GPM6B: variants seen among roughly 807,000 people sequenced by gnomAD.
GPM6B encodes the protein glycoprotein M6B.
A neutral mutation model predicts 27.2 loss-of-function variants in GPM6B; 4 were observed. The ratio of observed to expected loss-of-function variants is 0.15; its 90% confidence interval spans 0.07 to 0.34. The LOEUF (loss-of-function observed/expected upper bound fraction) is 0.34. Ranked by LOEUF, GPM6B falls within the 10% of genes least tolerant of loss-of-function variation. GPM6B has a pLI of 1.00. For missense variants in GPM6B, 183 were observed against 261.9 expected (o/e 0.70, Z 2.08); for synonymous variants, 124 against 103.1 (o/e 1.20, Z -1.23).
At chrX:13,839,880 G>A (rs1198401233) in intron 1 of GPM6B, among the ~76,000 whole-genome samples, 3 of 111,855 alleles carry the variant, frequency 2.7e-5, no homozygotes, top group Non-Finnish European at 5.6e-5. Flanking sequence ...GGATAGCCAA[G>A]GTTATTCTGA....
At chrX:13,856,711 T>TA (rs1460290993) in intron 1 of GPM6B, among the ~76,000 whole-genome samples, 1 of 107,807 alleles carries the variant, frequency 9.3e-6, no homozygotes, top group Non-Finnish European at 1.9e-5. Flanking sequence ...TTTATTATTT[T>TA]TTTTTTTTGA....
intron 1 of GPM6B, among the ~76,000 whole-genome samples, chrX:13,857,630 C>A (rs1319881786): frequency 8.9e-6 from 1 of 112,405 alleles, no homozygotes; most frequent in Non-Finnish European, 1.9e-5. Flanking sequence ...TTACATAACT[C>A]AATAGCACCT....
At chrX:13,905,174 T>G (rs2050317428) in intron 1 of GPM6B, among the ~76,000 whole-genome samples, 1 of 97,888 alleles carries the variant, frequency 1.0e-5, no homozygotes, top group South Asian at 5.0e-4. Context: ...AAGACTGCCG[T>G]GAGCTGTGAT....
chrX:13,874,543 CA>C (rs34549189), intron 1 of GPM6B, among the ~76,000 whole-genome samples: 1,068 of 82,553 alleles, frequency 0.013, 15 homozygotes, highest in African/African-American at 0.045. Flanking sequence ...ACTAAAAATA[CA>C]AAAAAAAAAA....
intron 1 of GPM6B, among the ~76,000 whole-genome samples, chrX:13,824,607 G>C (rs1260166074): frequency 8.9e-6 from 1 of 111,897 alleles, no homozygotes; most frequent in African/African-American, 3.2e-5. Flanking sequence ...GAAGAGGGCA[G>C]AGTCAGGGCG....
At chrX:13,800,764 G>A (rs1437818898) in intron 2 of GPM6B, among the ~76,000 whole-genome samples, 1 of 111,452 alleles carries the variant, frequency 9.0e-6, no homozygotes, top group Non-Finnish European at 1.9e-5. Flanking sequence ...CTGTGCATTA[G>A]AATTGCCTGG....
intron 1 of GPM6B, chrX:13,812,806 AATAGCAAGGCCAAGTCT>A (rs1180538300): frequency 9.0e-6 from 1 of 110,988 alleles, no homozygotes; most frequent in East Asian, 2.8e-4. Flanking sequence ...TTTCTAACGA[AATAGCAAGGCCAAGTCT>A]TTAAAAAAAT....
intron 1 of GPM6B, among the ~76,000 whole-genome samples, chrX:13,884,869 G>GT (rs1324819166): frequency 7.1e-5 from 8 of 112,049 alleles, no homozygotes; most frequent in African/African-American, 2.6e-4. Flanking sequence ...TCTAGCTTGT[G>GT]TAAGTATTTG....
At chrX:13,816,212 C>G (rs760941553) in intron 1 of GPM6B, among the ~76,000 whole-genome samples, 1 of 111,042 alleles carries the variant, frequency 9.0e-6, no homozygotes, top group African/African-American at 3.3e-5. Context: ...GAAATAGGAC[C>G]TTTATCAATT....
intron 1 of GPM6B, among the ~76,000 whole-genome samples, chrX:13,910,355 G>A (rs2050368045): frequency 1.8e-5 from 2 of 112,401 alleles, no homozygotes; most frequent in Non-Finnish European, 3.8e-5. Flanking sequence ...CTCTCTAGGT[G>A]ACTCCACTGT....
intron 1 of GPM6B, among the ~76,000 whole-genome samples, chrX:13,916,138 T>A (rs2050426596): frequency 9.0e-6 from 1 of 111,433 alleles, no homozygotes; most frequent in Admixed American, 9.5e-5. Flanking sequence ...GAGCTATAAT[T>A]TTATTTTCTC....
chrX:13,790,138 G>A (rs183439878), intron 2 of GPM6B, among the ~76,000 whole-genome samples: 10 of 112,365 alleles, frequency 8.9e-5, no homozygotes, highest in African/African-American at 3.2e-4. Flanking sequence ...ACAGGTGTGA[G>A]CCACCATGCC....
chrX:13,797,993 T>C (rs1006693249), intron 2 of GPM6B, among the ~76,000 whole-genome samples: 7 of 108,482 alleles, frequency 6.5e-5, no homozygotes, highest in East Asian at 2.9e-4. Context: ...AGTGGGAGCA[T>C]AGGAAGGATG....
chrX:13,773,138 G>T, intron 7 of GPM6B, 108 bp from the exon 8 acceptor site: 1 of 624,115 alleles, frequency 1.6e-6, no homozygotes, highest in Admixed American at 3.2e-5. Context: ...GGTTAATTCT[G>T]TATTAATAAA....
intron 2 of GPM6B, among the ~76,000 whole-genome samples, chrX:13,801,448 G>A (rs1016181934): frequency 8.9e-6 from 1 of 112,210 alleles, no homozygotes; most frequent in Non-Finnish European, 1.9e-5. Flanking sequence ...ATAGAGTATT[G>A]CATTTTGACA....
chrX:13,831,038 G>C (rs2049432110), intron 1 of GPM6B, among the ~76,000 whole-genome samples: 1 of 110,805 alleles, frequency 9.0e-6, no homozygotes, highest in South Asian at 3.8e-4. Flanking sequence ...CTGTTCTTTT[G>C]CTGCTGTGGC....
intron 1 of GPM6B, among the ~76,000 whole-genome samples, chrX:13,883,874 C>A (rs1357228477): frequency 1.9e-5 from 2 of 106,462 alleles, no homozygotes; most frequent in Non-Finnish European, 3.9e-5. Flanking sequence ...AAATTTTAAA[C>A]ATATTGTTAA....
chrX:13,890,785 A>G, intron 1 of GPM6B, among the ~76,000 whole-genome samples: 1 of 111,451 alleles, frequency 9.0e-6, no homozygotes, highest in East Asian at 2.8e-4. Context: ...AGAACTGGTG[A>G]GTTAGAAGGA....
rs891413950 is a variant in GPM6B, at chrX:13,839,681, A to G, written c.-197-53873T>C. The stretch of plus-strand genomic sequence containing the variant: ...TTTCATTGGCCTGGATCATGTCTCA[A>G]TTTGGGCCTCTCCTAATTCCAGGTC... On this transcript the variant is annotated intron_variant, in intron 1 of 6. Transcript: ENST00000398361. Among the ~76,000 whole-genome samples, 6 of 111,213 alleles carry G rather than the reference A, an allele frequency of 5.4e-5. No homozygotes were observed. In the South Asian group the frequency reaches 1.5e-3, roughly 28 times the overall value.
Sources: allele counts gnomAD v4.1 joint callset (sites outside exome capture counted in the v4.1 genomes callset), GRCh38; gene constraint gnomAD v4.1.1; transcripts MANE v1.5; gene names NCBI Gene and HGNC (gene_info 2026-07-23, HGNC 2026-07-21).